Variants in SNX9 observed in about 807,000 individuals in gnomAD.
SNX9 encodes the protein sorting nexin-9.
A neutral mutation model predicts 89.4 loss-of-function variants in SNX9; 44 were observed. The ratio of observed to expected loss-of-function variants is 0.49; its 90% CI spans 0.39 to 0.63. The LOEUF is 0.63. Among genes scored for constraint, SNX9 ranks in the 30% least tolerant of loss-of-function variants. The pLI is 0.00. For missense variants in SNX9, 578 were observed against 736.1 expected (o/e 0.79, Z 2.49); for synonymous variants, 236 against 247.8 (o/e 0.95, Z 0.45).
intron 4 of SNX9, among the ~76,000 whole-genome samples, chr6:157,878,670 A>G (rs1226415742): frequency 2.6e-5 from 4 of 152,116 alleles, no homozygotes; most frequent in Non-Finnish European, 5.9e-5. Context: ...TGACCTTGTG[A>G]TCCGCCCACT....
chr6:157,886,305 A>G (rs1782734756), intron 4 of SNX9, among the ~76,000 whole-genome samples: 1 of 152,236 alleles, frequency 6.6e-6, no homozygotes, highest in African/African-American at 2.4e-5. Flanking sequence ...TAAAAAAAAA[A>G]TAACAAAACC....
chr6:157,923,389 A>G (rs964465809), intron 10 of SNX9, among the ~76,000 whole-genome samples: 3 of 152,076 alleles, frequency 2.0e-5, no homozygotes, highest in Admixed American at 6.5e-5. Flanking sequence ...TGGATACAAG[A>G]CATTGCATAT....
intron 1 of SNX9, among the ~76,000 whole-genome samples, chr6:157,843,779 T>G (rs530447187): frequency 1.8e-4 from 27 of 152,354 alleles, no homozygotes; most frequent in African/African-American, 6.5e-4. Context: ...TCTAATTTTT[T>G]GTTTCTTTTA....
At chr6:157,843,407 C>T (rs1412368730) in intron 1 of SNX9, among the ~76,000 whole-genome samples, 3 of 152,068 alleles carry the variant, frequency 2.0e-5, no homozygotes, top group African/African-American at 2.4e-5. Flanking sequence ...GTATTACATA[C>T]GGTATTCTTA....
rs569578927 is a variant in SNX9 at position 157,852,985 on chromosome 6, G to C, written c.13-14562G>C. Reference sequence around the variant, plus strand: ...TAGTTTTCTTTCAGAAAAATTAAATGGTGAGTTTTTTTGTTTGTTTGTTTG... The same window carrying C: ...TAGTTTTCTTTCAGAAAAATTAAATCGTGAGTTTTTTTGTTTGTTTGTTTG... On this transcript the variant is annotated intron_variant, in intron 1 of 17. Coordinates refer to ENST00000392185, the MANE Select transcript of SNX9 (RefSeq NM_016224.5). Among the ~76,000 whole-genome samples the C allele has an allele frequency of 5.9e-5, 9 of 151,966 alleles. No homozygotes were observed. The East Asian group carries it at 1.7e-3, about 29-fold the overall frequency.
chr6:157,941,111 G>A, intron 17 of SNX9, 137 bp downstream of exon 17: 1 of 722,058 alleles, frequency 1.4e-6, no homozygotes, highest in East Asian at 2.8e-5. Flanking sequence ...TTTTGGACAG[G>A]ATTTTTTTAA....
chr6:157,883,693 T>G (rs1255391837), intron 4 of SNX9, among the ~76,000 whole-genome samples: 2 of 152,250 alleles, frequency 1.3e-5, no homozygotes, highest in African/African-American at 4.8e-5. Context: ...ACCTTTTATT[T>G]GTACCTTTGG....
chr6:157,865,932 T>G (rs2115133566), intron 1 of SNX9, among the ~76,000 whole-genome samples: 1 of 152,346 alleles, frequency 6.6e-6, no homozygotes, highest in East Asian at 1.9e-4. Context: ...GTCGCTAAAC[T>G]TGAATTTGCC....
At chr6:157,875,626 C>A (rs1258256553) in intron 4 of SNX9, among the ~76,000 whole-genome samples, 2 of 152,128 alleles carry the variant, frequency 1.3e-5, no homozygotes, top group Non-Finnish European at 2.9e-5. Context: ...AGAAGCAGTG[C>A]CTGTGAAAGT....
chr6:157,916,317 A>C (rs908536347), intron 9 of SNX9, among the ~76,000 whole-genome samples: 3 of 152,170 alleles, frequency 2.0e-5, no homozygotes, highest in Non-Finnish European at 2.9e-5. Flanking sequence ...TACAGGCGTG[A>C]GCCACCGTGC....
chr6:157,841,763 A>G (rs568841385), intron 1 of SNX9, among the ~76,000 whole-genome samples: 24 of 152,344 alleles, frequency 1.6e-4, no homozygotes, highest in Admixed American at 1.2e-3. Flanking sequence ...CTTATCTTCA[A>G]AGTGCATGCT....
chr6:157,853,654 C>G (rs2115123197), intron 1 of SNX9, among the ~76,000 whole-genome samples: 1 of 152,276 alleles, frequency 6.6e-6, no homozygotes, highest in Admixed American at 6.5e-5. Flanking sequence ...AGTAGCAGAA[C>G]CACCTTTTGT....
At chr6:157,919,490 C>G (rs962343318) in intron 9 of SNX9, among the ~76,000 whole-genome samples, 2 of 151,972 alleles carry the variant, frequency 1.3e-5, no homozygotes, top group African/African-American at 4.8e-5. Flanking sequence ...TTATGTTGAG[C>G]CTTATCTGCA....
In SNX9 at chr6:157,838,827, A is replaced by G. The variant is rs12210949; in HGVS notation, c.12+15381A>G. 4.1e-3 allele frequency among the ~76,000 whole-genome samples: 627 copies of G among 152,344 alleles called. 3 individuals carry two copies. The highest frequency in any genetic ancestry group is 0.02 in the Middle Eastern group (6 of 294). On this transcript the variant is annotated intron_variant, in intron 1 of 17. Coordinates refer to ENST00000392185, the MANE Select transcript of SNX9 (RefSeq NM_016224.5). ...TTCCCTGGTTGTACTCTAAAATTTTATCTGGCACTGGTTAAACTAAGCCAC... is the reference window on the plus strand; with the variant it reads ...TTCCCTGGTTGTACTCTAAAATTTTGTCTGGCACTGGTTAAACTAAGCCAC...
At position 157,832,681 on chromosome 6, in the gene SNX9, C is replaced by T. The variant is rs554352615; in HGVS notation, c.12+9235C>T. Among the ~76,000 whole-genome samples the T allele has an allele frequency of 3.3e-5, 5 of 152,166 alleles. No homozygotes were observed. The East Asian group carries it at 7.7e-4, about 23-fold the overall frequency. On this transcript the variant is annotated intron_variant, in intron 1 of 17. Coordinates refer to ENST00000392185, the MANE Select transcript of SNX9 (RefSeq NM_016224.5). ...TTCACATGGCAGCAGGAAGAAGTGC[C>T]GAGCAAAAGGGGGAAAACCCTTATA...
At chr6:157,870,232 C>G (rs1030971320) in intron 2 of SNX9, among the ~76,000 whole-genome samples, 1 of 149,770 alleles carries the variant, frequency 6.7e-6, no homozygotes, top group Non-Finnish European at 1.5e-5. Flanking sequence ...GCACACACAT[C>G]CCCTCAGACA....
Position 157,826,502 on chromosome 6 carries a change from G to GGAAAAAAA in SNX9, c.12+3056_12+3057insGAAAAAAA, listed in dbSNP as rs1554290484. Among the ~76,000 whole-genome samples, 490 of 77,968 alleles carry GGAAAAAAA rather than the reference G, an allele frequency of 6.3e-3. 5 individuals are homozygous for GGAAAAAAA. The highest frequency in any genetic ancestry group is 0.02 in the African/African-American group (469 of 23,680). The allele number at this position is 77,968 out of a possible 152,430, so 51.2% of individuals were successfully genotyped here. Reference sequence around the variant, plus strand: ...GTGACAGAGTGAGACTCCATCTCAAGAAAAAAAAAAAAAAAAGGAAAGTTA... The same window carrying GGAAAAAAA: ...GTGACAGAGTGAGACTCCATCTCAAGGAAAAAAAAAAAAAAAAAAAAAAAGGAAAGTTA... On this transcript the variant is annotated intron_variant, in intron 1 of 17. Transcript: ENST00000392185.
chr6:157,893,608 T>TTGTGTG (rs3047741), intron 4 of SNX9, among the ~76,000 whole-genome samples: 6,530 of 148,810 alleles, frequency 0.044, 142 homozygotes, highest in South Asian at 0.094. Flanking sequence ...CTAGCACCAT[T>TTGTGTG]TGTGTGTGTG....
chr6:157,932,182 T>C lies in SNX9; in HGVS notation c.1289-13T>C, dbSNP rs748785276. On this transcript the variant is annotated splice_polypyrimidine_tract_variant and intron_variant, in intron 12 of 17. Coordinates refer to ENST00000392185, the MANE Select transcript of SNX9 (RefSeq NM_016224.5). ...CTCAGAAGACTAATCGTTTATTCCT[T>C]TTTGTCTTTCAGCATTACCCAAGGA... The C allele has an allele frequency of 6.2e-7, 1 of 1,612,840 alleles. No homozygotes were observed. The highest frequency in any genetic ancestry group is 8.5e-7 in the Non-Finnish European group (1 of 1,178,774).
Sources: gnomAD v4.1 joint callset for allele counts (sites outside exome capture counted in the v4.1 genomes callset) on GRCh38, gnomAD v4.1.1 for gene constraint, MANE v1.5 for transcripts, NCBI Gene and HGNC (gene_info 2026-07-23, HGNC 2026-07-21) for gene names.